PTPRN2: variants seen among roughly 807,000 people sequenced by gnomAD.
The protein encoded by PTPRN2 is protein tyrosine phosphatase receptor type N2.
A neutral mutation model predicts 118.8 loss-of-function variants in PTPRN2; 74 were observed. The ratio of observed to expected loss-of-function variants is 0.62; its 90% CI spans 0.52 to 0.76. The LOEUF (loss-of-function observed/expected upper bound fraction) is 0.76, where lower values mean the gene tolerates loss of function less well. Among genes scored for constraint, PTPRN2 ranks in the 30% least tolerant of loss-of-function variants. The pLI is 0.00. For missense variants in PTPRN2, 1,481 were observed against 1,394.4 expected, an observed-to-expected ratio of 1.06 and a Z score of -0.99; for synonymous variants, 641 against 608.0, an observed-to-expected ratio of 1.05 and a Z score of -0.80.
In PTPRN2 at chr7:157,758,638, G is replaced by C. The variant is rs546768242; in HGVS notation, c.1789-75701C>G. ...CGGACGCAGGGGTCCCTGGAGGACG[G>C]GACTGGCATGTCTCCTGCATCCCGC... On this transcript the variant is annotated intron_variant, in intron 12 of 22. Coordinates refer to ENST00000389418, the MANE Select transcript of PTPRN2 (RefSeq NM_002847.5). Among the ~76,000 whole-genome samples the C allele has an allele frequency of 3.8e-4, 58 of 152,350 alleles. 1 individual carries two copies. The highest frequency in any genetic ancestry group is 4.4e-4 in the Non-Finnish European group (30 of 68,034).
In PTPRN2 at chr7:157,680,650, C is replaced by T. The variant is rs899653300; in HGVS notation, c.2001+2075G>A. Among the ~76,000 whole-genome samples the T allele has an allele frequency of 3.3e-5, 5 of 152,282 alleles. No homozygotes were observed. The East Asian group carries it at 9.7e-4, about 29-fold the overall frequency. Reference sequence around the variant, plus strand: ...GGTTCGGCACCTAGAACTTTCTCACCGGGAAACAATCCACCGTGATGGGGC... The same window carrying T: ...GGTTCGGCACCTAGAACTTTCTCACTGGGAAACAATCCACCGTGATGGGGC... On this transcript the variant is annotated intron_variant, in intron 13 of 22. Coordinates refer to ENST00000389418, the MANE Select transcript of PTPRN2 (RefSeq NM_002847.5).
intron 11 of PTPRN2, among the ~76,000 whole-genome samples, chr7:157,988,785 G>A (rs568771106): frequency 2.0e-5 from 3 of 152,228 alleles, no homozygotes; most frequent in Admixed American, 6.5e-5. Flanking sequence ...GGTGCAGAAT[G>A]TCAGTGCTGG....
At chr7:157,884,077 C>A (rs576475260) in intron 12 of PTPRN2, among the ~76,000 whole-genome samples, 1 of 151,692 alleles carries the variant, frequency 6.6e-6, no homozygotes, top group African/African-American at 2.4e-5. Flanking sequence ...CTGTCAGAGA[C>A]CAGAACATAC....
chr7:158,128,703 C>G (rs1007814604), intron 9 of PTPRN2, among the ~76,000 whole-genome samples: 2 of 152,146 alleles, frequency 1.3e-5, no homozygotes, highest in African/African-American at 4.8e-5. Flanking sequence ...GCAAACCACA[C>G]CGGCCTCCTG....
intron 2 of PTPRN2, among the ~76,000 whole-genome samples, chr7:158,402,962 C>A (rs1286802601): frequency 3.9e-5 from 6 of 152,198 alleles, no homozygotes; most frequent in African/African-American, 1.4e-4. Context: ...CAAAGGGACC[C>A]TTCCCAGAGC....
intron 10 of PTPRN2, among the ~76,000 whole-genome samples, chr7:158,100,379 CTTTCTCGTATAATGACTTCTTGT>C (rs2150345129): frequency 6.6e-6 from 1 of 152,090 alleles, no homozygotes; most frequent in East Asian, 1.9e-4. Context: ...GTGCAAATAT[CTTTCTCGTATAATGACTTCTTGT>C]CCTCCAGGTA....
intron 12 of PTPRN2, among the ~76,000 whole-genome samples, chr7:157,772,722 G>A (rs1802957605): frequency 6.6e-6 from 1 of 152,350 alleles, no homozygotes; most frequent in East Asian, 1.9e-4. Context: ...GGCCGGGTCT[G>A]GGGGGACCCC....
chr7:158,380,645 T>C (rs1466849413), intron 2 of PTPRN2, among the ~76,000 whole-genome samples: 1 of 152,222 alleles, frequency 6.6e-6, no homozygotes, highest in Non-Finnish European at 1.5e-5. Flanking sequence ...ATCTACCATT[T>C]TGGGGTCTGG....
intron 12 of PTPRN2, among the ~76,000 whole-genome samples, chr7:157,792,637 T>C (rs556573101): frequency 6.6e-6 from 1 of 152,156 alleles, no homozygotes; most frequent in African/African-American, 2.4e-5. Context: ...CAGAACACCT[T>C]GTAAGCGAAT....
In PTPRN2 at chr7:158,151,099, C is replaced by CACCTTTCT. The variant is rs1821016399; in HGVS notation, c.911-12585_911-12584insAGAAAGGT. Among the ~76,000 whole-genome samples the CACCTTTCT allele has an allele frequency of 2.2e-4, 9 of 41,378 alleles. No individual in the cohort carries two copies. In the East Asian group the frequency reaches 2.8e-3, roughly 13 times the overall value. The allele number at this position is 41,378 out of a possible 152,430, so 27.1% of individuals were successfully genotyped here. ...CTTGCCCCTGCCTGCCCAAACCGCC[C>CACCTTTCT]GCCTTTCTGCTCCTACCCCTGCCCA... On this transcript the variant is annotated intron_variant, in intron 6 of 22. Transcript: ENST00000389418.
At chr7:157,569,053 C>G in intron 20 of PTPRN2, 87 bp from the exon 21 acceptor site, 1 of 1,272,872 alleles carries the variant, frequency 7.9e-7, no homozygotes. Flanking sequence ...CATTTCCTTC[C>G]TGCTTACGGG....
chr7:157,757,995 C>T (rs961041556), intron 12 of PTPRN2, among the ~76,000 whole-genome samples: 1 of 132,870 alleles, frequency 7.5e-6, no homozygotes, highest in Non-Finnish European at 1.5e-5. Context: ...CACGGGGCAG[C>T]CCCAGGGCAA....
chr7:157,852,783 C>T (rs1299785029), intron 12 of PTPRN2, among the ~76,000 whole-genome samples: 3 of 147,750 alleles, frequency 2.0e-5, no homozygotes, highest in Admixed American at 6.9e-5. Context: ...GCAGGAGAAT[C>T]GCTTTAACCC....
intron 17 of PTPRN2, among the ~76,000 whole-genome samples, chr7:157,592,741 G>A (rs1585076363): frequency 1.4e-5 from 2 of 145,920 alleles, no homozygotes; most frequent in Non-Finnish European, 3.0e-5. Flanking sequence ...CACACATGAC[G>A]GAGGGTGGAC....
At chr7:158,316,774 C>T (rs199616681) in intron 3 of PTPRN2, 45 bp downstream of exon 3, 13 of 1,431,656 alleles carry the variant, frequency 9.1e-6, no homozygotes, top group Middle Eastern at 2.0e-4. Context: ...CCCGTGCGGT[C>T]GCTCAGTGCG....
chr7:157,940,149 T>G (rs1799957481), intron 11 of PTPRN2, among the ~76,000 whole-genome samples: 1 of 152,150 alleles, frequency 6.6e-6, no homozygotes, highest in African/African-American at 2.4e-5. Context: ...CATTTCCTTC[T>G]GGGCATCATC....
chr7:158,123,780 C>G (rs1036407231), intron 9 of PTPRN2, among the ~76,000 whole-genome samples: 2 of 152,220 alleles, frequency 1.3e-5, no homozygotes, highest in African/African-American at 4.8e-5. Flanking sequence ...TATAGCGTCA[C>G]CTTTAAAAAG....
intron 9 of PTPRN2, among the ~76,000 whole-genome samples, chr7:158,127,119 G>T (rs1008170657): frequency 6.6e-6 from 1 of 152,122 alleles, no homozygotes; most frequent in Non-Finnish European, 1.5e-5. Context: ...GGTCAACGCC[G>T]CCCCATGCCA....
At chr7:158,540,846 C>G (rs897039570) in intron 1 of PTPRN2, among the ~76,000 whole-genome samples, 1 of 152,254 alleles carries the variant, frequency 6.6e-6, no homozygotes, top group African/African-American at 2.4e-5. Context: ...TTGGCTTTCT[C>G]CATTAGGTCA....
Sources: gnomAD v4.1 joint callset for allele counts (sites outside exome capture counted in the v4.1 genomes callset) on GRCh38, gnomAD v4.1.1 for gene constraint, MANE v1.5 for transcripts, NCBI Gene and HGNC (gene_info 2026-07-23, HGNC 2026-07-21) for gene names.